The following UGT3A2 variants were observed in gnomAD, a reference collection of about 807,000 sequenced individuals.
UGT3A2 encodes UDP-glycosyltransferase 3A2.
In UGT3A2, 32 loss-of-function variants were observed where a neutral mutation model predicts 39.8. That is an observed-to-expected ratio of 0.80 (90% CI 0.61 to 1.08). The LOEUF (loss-of-function observed/expected upper bound fraction) is 1.08, where lower values mean the gene tolerates loss of function less well. UGT3A2 is among the 50% of genes least tolerant of loss of function. The pLI, the probability that UGT3A2 is intolerant of heterozygous loss-of-function variation, is 0.00. For missense variants in UGT3A2, 611 were observed against 637.1 expected (o/e 0.96, Z 0.44); for synonymous variants, 241 against 230.7 (o/e 1.04, Z -0.40).
chr5:36,042,555 A>G (rs1244489277), intron 4 of UGT3A2, among the ~76,000 whole-genome samples: 1 of 152,206 alleles, frequency 6.6e-6, no homozygotes, highest in Non-Finnish European at 1.5e-5. Flanking sequence ...AATAACATTG[A>G]ATGTAAACAG....
intron 4 of UGT3A2, among the ~76,000 whole-genome samples, chr5:36,046,385 T>A (rs191687928): frequency 6.6e-5 from 10 of 152,226 alleles, no homozygotes; most frequent in Admixed American, 4.6e-4. Context: ...GATGAATGGA[T>A]AAGGAAAATA....
In UGT3A2 at chr5:36,066,682, G is replaced by C. The variant is rs772765832; in HGVS notation, c.94+14C>G. On this transcript the variant is annotated intron_variant, in intron 1 of 6. Transcript: ENST00000282507. ...GGACGCGCCTGTCTGGGAATTCTCC[G>C]GCCAAGCACTCACCTACTGTAGATA... The C allele has an allele frequency of 4.3e-6, 7 of 1,613,862 alleles. No homozygotes were observed. The African/African-American group carries it at 9.3e-5, about 22-fold the overall frequency.
intron 2 of UGT3A2, among the ~76,000 whole-genome samples, chr5:36,055,231 T>TTTTTG (rs1340727955): frequency 4.2e-5 from 4 of 96,164 alleles, no homozygotes; most frequent in Admixed American, 9.8e-5. Flanking sequence ...TGCAGTTTGT[T>TTTTTG]TTTTTTTTTC....
chr5:36,062,239 T>A (rs1405926250), intron 2 of UGT3A2, among the ~76,000 whole-genome samples: 5 of 149,600 alleles, frequency 3.3e-5, no homozygotes, highest in Admixed American at 1.3e-4. Context: ...AGAAGCTCTT[T>A]AGTTTAATTA....
chr5:36,037,973 A>T lies in UGT3A2; in HGVS notation c.1119T>A (p.Asn373Lys), dbSNP rs1741883647. The change falls in exon 6 of 7, where the codon AAT becomes AAA. Residue 373 changes from asparagine to lysine, a missense_variant. Coordinates refer to ENST00000282507, the MANE Select transcript of UGT3A2 (RefSeq NM_174914.4). Reference protein sequence around the residue: ...IRLFVTHGGQNSIMEAIQHGV... With the variant: ...IRLFVTHGGQKSIMEAIQHGV... ...CATGCTGGATGGCCTCCATTATGCTATTCTGCCCGCCGTGGGTGACAAACA... is the reference window on the plus strand; with the variant it reads ...CATGCTGGATGGCCTCCATTATGCTTTTCTGCCCGCCGTGGGTGACAAACA... The T allele has an allele frequency of 6.2e-7, 1 of 1,612,622 alleles. No homozygotes were observed. The highest frequency in any genetic ancestry group is 8.5e-7 in the Non-Finnish European group (1 of 1,179,638).
At chr5:36,046,851 G>A (rs1306622098) in intron 4 of UGT3A2, among the ~76,000 whole-genome samples, 3 of 152,174 alleles carry the variant, frequency 2.0e-5, no homozygotes, top group Non-Finnish European at 2.9e-5. Flanking sequence ...CCAAAAGCAG[G>A]CCTGGACAGC....
chr5:36,039,450 A>G (rs1200485339), intron 5 of UGT3A2, 27 bp downstream of exon 5: 1 of 1,604,878 alleles, frequency 6.2e-7, no homozygotes, highest in Non-Finnish European at 8.5e-7. Flanking sequence ...CAGTGGAAGG[A>G]GAGGAGCAGT....
At position 36,049,205 on chromosome 5, in the gene UGT3A2, C is replaced by T; in HGVS notation, c.527G>A (p.Gly176Glu). ...LSTSFGSLEF[G>E]LPIPLSYVPV... ...AACATAAGACAAGGGGATTGGTAGC[C>T]CAAATTCCAAAGAGCCGAATGAAGT... Residue 176 changes from glycine to glutamate, a missense_variant, in exon 4 of 7, where the codon GGG (glycine) becomes GAG (glutamate). Physicochemically the swap from Gly to Glu is moderately conservative, Grantham distance 98. Transcript: ENST00000282507. 1.2e-6 allele frequency: 2 copies of T among 1,614,046 alleles called. No homozygotes were observed. The highest frequency in any genetic ancestry group is 1.7e-6 in the Non-Finnish European group (2 of 1,180,016).
In UGT3A2 at chr5:36,048,996, A is replaced by G. The variant is rs138124126; in HGVS notation, c.736T>C (p.Leu246=). ...VLSHLLLKAE[L]WFINSDFAFD... ...GCAAAGTCAGAGTTAATGAACCACA[A>G]CTCTGCTTTCAGTAGAAGATGAGAC... The change falls in exon 4 of 7, where the codon TTG becomes CTG. Residue 246 remains leucine, a synonymous_variant. Transcript: ENST00000282507. 8 of 1,613,894 alleles carry G rather than the reference A, an allele frequency of 5.0e-6. No individual in the cohort carries two copies. The highest frequency in any genetic ancestry group is 6.8e-6 in the Non-Finnish European group (8 of 1,180,000).
intron 4 of UGT3A2, among the ~76,000 whole-genome samples, chr5:36,047,605 A>T (rs1235515434): frequency 6.6e-6 from 1 of 152,208 alleles, no homozygotes; most frequent in African/African-American, 2.4e-5. Flanking sequence ...TATACTGACA[A>T]GGCAACATAA....
intron 4 of UGT3A2, among the ~76,000 whole-genome samples, chr5:36,042,091 TGG>T (rs1742026465): frequency 6.6e-6 from 1 of 152,040 alleles, no homozygotes; most frequent in South Asian, 2.1e-4. Context: ...GTAGAAATTC[TGG>T]AGTTGAAAAT....
At chr5:36,056,569 C>T (rs1010165020) in intron 2 of UGT3A2, among the ~76,000 whole-genome samples, 2 of 152,218 alleles carry the variant, frequency 1.3e-5, no homozygotes, top group Non-Finnish European at 2.9e-5. Context: ...AACCAGTGCA[C>T]ACCAAACCTG....
At chr5:36,036,062 CTG>C (rs199732972) in intron 6 of UGT3A2, 88 bp from the exon 7 acceptor site, 35,518 of 1,493,058 alleles carry the variant, frequency 0.024, 550 homozygotes, top group Non-Finnish European at 0.029. Flanking sequence ...GCACCAAAGA[CTG>C]AGTTCCAAGG....
At chr5:36,047,835 G>A (rs537116107) in intron 4 of UGT3A2, among the ~76,000 whole-genome samples, 14 of 152,244 alleles carry the variant, frequency 9.2e-5, no homozygotes, top group Admixed American at 4.6e-4. Context: ...CTCCACTAGT[G>A]TAGCCAGTGC....
In UGT3A2 at chr5:36,039,775, T is replaced by C; in HGVS notation, c.844-67A>G. 2.9e-6 allele frequency: 4 copies of C among 1,368,500 alleles called. No individual in the cohort carries two copies. The South Asian group carries it at 3.7e-5, about 13-fold the overall frequency. 84.8% of individuals were successfully genotyped at this position (1,368,500 alleles called of 1,614,324 possible). On this transcript the variant is annotated intron_variant, in intron 4 of 6. Transcript: ENST00000282507. ...GGTGAAAGCCTAGTTGACCAGAAAA[T>C]GAAAGCCAGAGTATTTACTAACACA... is the stretch of plus-strand genomic sequence containing the variant.
intron 2 of UGT3A2, among the ~76,000 whole-genome samples, chr5:36,053,124 G>A (rs183723782): frequency 6.6e-6 from 1 of 152,306 alleles, no homozygotes; most frequent in African/African-American, 2.4e-5. Flanking sequence ...CAGGAGTACA[G>A]ATATAACATT....
chr5:36,064,513 C>T (rs1019290966), intron 1 of UGT3A2, among the ~76,000 whole-genome samples, 163 bp from the exon 2 acceptor site: 5 of 152,210 alleles, frequency 3.3e-5, no homozygotes, highest in African/African-American at 9.7e-5. Flanking sequence ...TAAAACCCAG[C>T]CCACTCACCC....
chr5:36,051,768 G>T (rs553793730), intron 3 of UGT3A2, 102 bp downstream of exon 3: 1 of 852,758 alleles, frequency 1.2e-6, no homozygotes, highest in Non-Finnish European at 1.8e-6. Flanking sequence ...CCATCCATTC[G>T]TCACTTTCTC....
intron 2 of UGT3A2, among the ~76,000 whole-genome samples, chr5:36,056,315 C>T (rs995633189): frequency 6.6e-6 from 1 of 152,314 alleles, no homozygotes; most frequent in East Asian, 1.9e-4. Flanking sequence ...TAGCTTAGTA[C>T]GTCATGTTTC....
Sources: allele counts gnomAD v4.1 joint callset (sites outside exome capture counted in the v4.1 genomes callset), GRCh38; gene constraint gnomAD v4.1.1; transcripts MANE v1.5; gene names NCBI Gene and HGNC (gene_info 2026-07-23, HGNC 2026-07-21).